Variants in DNAH1 observed in about 807,000 individuals in gnomAD.
DNAH1 encodes axonemal beta dynein heavy chain 1.
A neutral mutation model predicts 484.3 loss-of-function variants in DNAH1; 327 were observed. The ratio of observed to expected loss-of-function variants is 0.68; its 90% CI spans 0.62 to 0.74. DNAH1 has a LOEUF of 0.74. Ranked by LOEUF, DNAH1 falls within the 30% of genes least tolerant of loss-of-function variation. The pLI is 0.00. For missense variants in DNAH1, 5,052 were observed against 5,546.8 expected, an observed-to-expected ratio of 0.91 and a Z score of 2.83; for synonymous variants, 2,192 against 2,191.9, an observed-to-expected ratio of 1.00 and a Z score of 0.00.
intron 38 of DNAH1, 31 bp downstream of exon 38, chr3:52,370,050 G>A: frequency 6.2e-7 from 1 of 1,613,462 alleles, no homozygotes; most frequent in Non-Finnish European, 8.5e-7. Flanking sequence ...GTCTGACCCT[G>A]GCAGGGCAGC....
Position 52,374,729 on chromosome 3 carries a change from A to G in DNAH1, c.6986-511A>G, listed in dbSNP as rs185969412. ...GGAACAAGATAATACATGGCTTGAT[A>G]TACAACGCCCTGAATCTGTTCATAG... is the stretch of plus-strand genomic sequence containing the variant. On this transcript the variant is annotated intron_variant, in intron 44 of 77. Transcript: ENST00000420323. 3.4e-5 allele frequency: 44 copies of G among 1,278,680 alleles called. No individual in the cohort carries two copies. The East Asian group carries it at 6.7e-4, about 19-fold the overall frequency. 79.2% of individuals were successfully genotyped at this position (1,278,680 alleles called of 1,614,324 possible).
intron 8 of DNAH1, among the ~76,000 whole-genome samples, chr3:52,338,872 A>G (rs1239142706): frequency 3.1e-5 from 4 of 128,064 alleles, no homozygotes; most frequent in African/African-American, 1.1e-4. Context: ...CTAAAAATAC[A>G]AAAAAAAAAA....
In DNAH1 at chr3:52,379,926, C is replaced by T. The variant is rs1553639556; in HGVS notation, c.7399C>T (p.Leu2467=). 5.7e-6 allele frequency: 9 copies of T among 1,568,700 alleles called. No homozygotes were observed. Among genetic ancestry groups the T allele is most frequent in the Non-Finnish European group, 7.8e-6 (9 of 1,157,262 alleles). The change falls in exon 48 of 78, where the codon CTG becomes TTG. Residue 2467 remains leucine, a synonymous_variant. Coordinates refer to ENST00000420323, the MANE Select transcript of DNAH1 (RefSeq NM_015512.5). This position sits in a 1 kb window ranked among gnomAD's most constrained non-coding sequence, Gnocchi z 4.4. ...GCAGGACCAAGTGCAGCTGCTGCGACTGTGGTATCACGAGAACTGCCGCGT... is the reference window on the plus strand; with the variant it reads ...GCAGGACCAAGTGCAGCTGCTGCGATTGTGGTATCACGAGAACTGCCGCGT... ...KVEDQVQLLR[L]WYHENCRVFR... is the part of the protein sequence containing the mutation.
rs1174258239 is a variant in DNAH1 at position 52,388,820 on chromosome 3, G to A, written c.9378G>A (p.Leu3126=). 6.2e-7 allele frequency: 1 copy of A among 1,613,622 alleles called. No homozygotes were observed. The highest frequency in any genetic ancestry group is 8.5e-7 in the Non-Finnish European group (1 of 1,179,876). ...TGCCCCTCCAGCTCATCAACGGGCTGTCGGATGAGAAGGTGCGCTGGCAGG... is the reference window on the plus strand; with the variant it reads ...TGCCCCTCCAGCTCATCAACGGGCTATCGGATGAGAAGGTGCGCTGGCAGG... ...LGRAGKLING[L]SDEKVRWQET... Residue 3126 remains leucine, a synonymous_variant, in exon 59 of 78, where the codon CTG becomes CTA. Coordinates refer to ENST00000420323, the MANE Select transcript of DNAH1 (RefSeq NM_015512.5).
chr3:52,373,592 A>G, intron 44 of DNAH1: 1 of 1,468,250 alleles, frequency 6.8e-7, no homozygotes, highest in Non-Finnish European at 9.5e-7. Flanking sequence ...ACAAACAGCA[A>G]AATTCTTCAA....
intron 1 of DNAH1, among the ~76,000 whole-genome samples, chr3:52,317,172 G>A (rs964666711): frequency 3.3e-5 from 5 of 152,096 alleles, no homozygotes; most frequent in African/African-American, 9.7e-5. Context: ...TTCAGGCCAC[G>A]TCAACTAAGG....
In DNAH1 at chr3:52,392,643, T is replaced by C. The variant is rs2153225613; in HGVS notation, c.10232T>C (p.Leu3411Pro). The change falls in exon 64 of 78, where the codon CTC becomes CCC. Residue 3411 changes from leucine (L) to proline (P), a missense_variant. This residue lies in a region of DNAH1 where 2,929 missense variants were observed against 3,409.4 expected (regional missense o/e 0.86). Coordinates refer to ENST00000420323, the MANE Select transcript of DNAH1 (RefSeq NM_015512.5). ...GGCAACCCTGTAGATGACATGGAAC[T>C]CATCAAGGTGCTGGAAGCCTCCAAG... ...SEGNPVDDME[L>P]IKVLEASKMK... The C allele has an allele frequency of 1.2e-6, 2 of 1,611,664 alleles. No homozygotes were observed. Among genetic ancestry groups the C allele is most frequent in the Non-Finnish European group, 1.7e-6 (2 of 1,178,916 alleles).
chr3:52,378,181 G>A (rs1703685238), intron 46 of DNAH1, among the ~76,000 whole-genome samples: 1 of 152,008 alleles, frequency 6.6e-6, no homozygotes, highest in Non-Finnish European at 1.5e-5. Context: ...GGTCGGGGGT[G>A]TGCTCCAAGC....
chr3:52,389,030 A>G, intron 59 of DNAH1, 93 bp downstream of exon 59: 1 of 1,410,992 alleles, frequency 7.1e-7, no homozygotes, highest in South Asian at 1.4e-5. Context: ...GGCAGCCTGC[A>G]GGTGGCTCTC....
At chr3:52,375,474 C>T (rs1335097288) in intron 45 of DNAH1, 61 bp downstream of exon 45, 1 of 1,558,516 alleles carries the variant, frequency 6.4e-7, no homozygotes, top group East Asian at 2.3e-5. Flanking sequence ...GAGGCCACAC[C>T]AAGGACAACT....
chr3:52,398,137 A>G lies in DNAH1; in HGVS notation c.12064A>G (p.Thr4022Ala). 1 of 1,612,938 alleles carries G rather than the reference A, an allele frequency of 6.2e-7. No individual in the cohort carries two copies. The highest frequency in any genetic ancestry group is 8.5e-7 in the Non-Finnish European group (1 of 1,179,558). ...AGTGCTGTATGAGGAATCAATGAACACAGTACTAGTACAAGAGGTCATTAG... is the reference window on the plus strand; with the variant it reads ...AGTGCTGTATGAGGAATCAATGAACGCAGTACTAGTACAAGAGGTCATTAG... ...YPVLYEESMN[T>A]VLVQEVIRYN... Residue 4022 changes from threonine (T) to alanine (A), a missense_variant, in exon 75 of 78, where the codon ACA becomes GCA. Coordinates refer to ENST00000420323, the MANE Select transcript of DNAH1 (RefSeq NM_015512.5).
At chr3:52,373,428 C>T (rs1387283401) in intron 44 of DNAH1, among the ~76,000 whole-genome samples, 2 of 152,212 alleles carry the variant, frequency 1.3e-5, no homozygotes, top group African/African-American at 4.8e-5. Flanking sequence ...GAAAGAATCA[C>T]CAAAAGCAGG....
chr3:52,373,532 A>C, intron 44 of DNAH1: 1 of 1,466,798 alleles, frequency 6.8e-7, no homozygotes, highest in Non-Finnish European at 9.4e-7. Context: ...TCCCGTCTAC[A>C]GTGTCTGCTA....
Position 52,379,760 on chromosome 3 carries a change from A to C in DNAH1, c.7378-145A>C. On this transcript the variant is annotated intron_variant, in intron 47 of 77. Coordinates refer to ENST00000420323, the MANE Select transcript of DNAH1 (RefSeq NM_015512.5). The surrounding 1 kb of genome is among the most constrained non-coding windows in gnomAD (Gnocchi z 4.4). Reference sequence around the variant, plus strand: ...GCAGTTGCACTTGCCAGCAGCCCCCACACACTGTCCCTGGGCCATGGTGGG... The same window carrying C: ...GCAGTTGCACTTGCCAGCAGCCCCCCCACACTGTCCCTGGGCCATGGTGGG... The C allele has an allele frequency of 1.4e-6, 1 of 718,680 alleles. No individual in the cohort carries two copies. Among genetic ancestry groups the C allele is most frequent in the South Asian group, 1.9e-5 (1 of 52,838 alleles). 44.5% of individuals were successfully genotyped at this position (718,680 alleles called of 1,614,324 possible).
At position 52,364,058 on chromosome 3, in the gene DNAH1, C is replaced by T. The variant is rs571030439; in HGVS notation, c.5245-580C>T. On this transcript the variant is annotated intron_variant, in intron 32 of 77. Coordinates refer to ENST00000420323, the MANE Select transcript of DNAH1 (RefSeq NM_015512.5). The surrounding 1 kb of genome is among the most constrained non-coding windows in gnomAD (Gnocchi z 4.2). ...CAAAGTCAAGCCCAGCCTCTTCATG[C>T]AGCTCCAAGTCCGAGATTTCTGGAA... is the stretch of plus-strand genomic sequence containing the variant. Among the ~76,000 whole-genome samples the T allele has an allele frequency of 6.6e-6, 1 of 152,356 alleles. No homozygotes were observed. Among genetic ancestry groups the T allele is most frequent in the African/African-American group, 2.4e-5 (1 of 41,580 alleles).
intron 25 of DNAH1, 75 bp from the exon 26 acceptor site, chr3:52,359,171 G>C (rs1436471308): frequency 6.6e-7 from 1 of 1,525,130 alleles, no homozygotes; most frequent in Non-Finnish European, 8.8e-7. Flanking sequence ...AGCACAGACA[G>C]CATTCAGAGG....
Position 52,375,809 on chromosome 3 carries a change from G to A in DNAH1, c.7160-146G>A, listed in dbSNP as rs572199173. ...TAAATCAGGAAAAGCCACAAGATAG[G>A]ATGGACGGAGTGTCTCTGAGCCTTT... On this transcript the variant is annotated intron_variant, in intron 45 of 77. Coordinates refer to ENST00000420323, the MANE Select transcript of DNAH1 (RefSeq NM_015512.5). 17 of 925,080 alleles carry A rather than the reference G, an allele frequency of 1.8e-5. No individual in the cohort carries two copies. In the South Asian group the frequency reaches 2.4e-4, roughly 13 times the overall value. 57.3% of individuals were successfully genotyped at this position (925,080 alleles called of 1,614,324 possible).
intron 70 of DNAH1, 61 bp from the exon 71 acceptor site, chr3:52,396,307 C>T: frequency 1.3e-6 from 2 of 1,516,848 alleles, no homozygotes; most frequent in Non-Finnish European, 1.8e-6. Context: ...AGGAGGGAGC[C>T]TGGTGTCAGG....
Position 52,364,988 on chromosome 3 carries a change from C to G in DNAH1, c.5487C>G (p.Ala1829=). Residue 1829 remains alanine, a synonymous_variant, in exon 34 of 78, where the codon GCC becomes GCG. Coordinates refer to ENST00000420323, the MANE Select transcript of DNAH1 (RefSeq NM_015512.5). The surrounding 1 kb of genome is among the most constrained non-coding windows in gnomAD (Gnocchi z 4.2). ...TCCTGGATGAGGCCATCCGCGAGGC[C>G]TGCAGGAACAGCAACCTCAAGGATG... ...YGILDEAIRE[A]CRNSNLKDVE... 1 of 1,613,056 alleles carries G rather than the reference C, an allele frequency of 6.2e-7. No homozygotes were observed. Among genetic ancestry groups the G allele is most frequent in the Non-Finnish European group, 8.5e-7 (1 of 1,179,192 alleles).
Sources: allele counts gnomAD v4.1 joint callset (sites outside exome capture counted in the v4.1 genomes callset), GRCh38; gene constraint gnomAD v4.1.1; regional missense constraint gnomAD v4.1.1; non-coding constraint Gnocchi (gnomAD v3.1); transcripts MANE v1.5; gene names NCBI Gene and HGNC (gene_info 2026-07-23, HGNC 2026-07-21).